Variants in DOP1B observed in about 807,000 individuals in gnomAD.
DOP1B encodes DOP1 leucine zipper like protein B.
A neutral mutation model predicts 233.5 loss-of-function variants in DOP1B; 174 were observed. The ratio of observed to expected loss-of-function variants is 0.75; its 90% CI spans 0.66 to 0.85. DOP1B has a LOEUF of 0.85. Ranked by LOEUF, DOP1B falls within the 40% of genes least tolerant of loss-of-function variation. The probability of loss-of-function intolerance (pLI) is 0.00; values close to 1 mark genes in which losing one functional copy is unlikely to be tolerated. For missense variants in DOP1B, 2,652 were observed against 2,846.6 expected (o/e 0.93, Z 1.56); for synonymous variants, 1,190 against 1,185.6 (o/e 1.00, Z -0.08).
chr21:36,257,817 A>C (rs2067122602), intron 23 of DOP1B, among the ~76,000 whole-genome samples: 1 of 146,224 alleles, frequency 6.8e-6, no homozygotes. Flanking sequence ...GTATGTAGAT[A>C]GATGTAGGTA....
At chr21:36,259,301 C>T (rs1215666983) in intron 23 of DOP1B, among the ~76,000 whole-genome samples, 6 of 141,312 alleles carry the variant, frequency 4.2e-5, no homozygotes, top group African/African-American at 1.6e-4. Flanking sequence ...GATGGAGTCT[C>T]GCTCTGTTGC....
intron 5 of DOP1B, among the ~76,000 whole-genome samples, chr21:36,209,715 C>T (rs1040186610): frequency 1.3e-5 from 2 of 152,190 alleles, no homozygotes; most frequent in African/African-American, 4.8e-5. Context: ...TCCCTGGTAA[C>T]GACATCCCTT....
intron 23 of DOP1B, among the ~76,000 whole-genome samples, chr21:36,260,091 G>A (rs1352007383): frequency 6.6e-6 from 1 of 151,076 alleles, no homozygotes; most frequent in African/African-American, 2.4e-5. Context: ...GGGAAGCGGA[G>A]GTTGCAGTGA....
At position 36,230,627 on chromosome 21, in the gene DOP1B, G is replaced by T; in HGVS notation, c.1843G>T (p.Asp615Tyr). Reference sequence around the variant, plus strand: ...TCCTCGAGTTTCTCTGGAAAGGGACGACGTTTGGAAGAAGGGCGGGAGCAT... The same window carrying T: ...TCCTCGAGTTTCTCTGGAAAGGGACTACGTTTGGAAGAAGGGCGGGAGCAT... Reference protein sequence around the residue: ...RVPRVSLERDDVWKKGGSMQR... With the variant: ...RVPRVSLERDYVWKKGGSMQR... Residue 615 changes from aspartate (D) to tyrosine (Y), a missense_variant, in exon 14 of 37, where the codon GAC becomes TAC. Physicochemically the swap from Asp to Tyr is radical, Grantham distance 160 (BLOSUM62 -3). Coordinates refer to ENST00000691173, the MANE Select transcript of DOP1B (RefSeq NM_001320714.2). The T allele has an allele frequency of 6.2e-7, 1 of 1,614,186 alleles. No individual in the cohort carries two copies. The highest frequency in any genetic ancestry group is 1.1e-5 in the South Asian group (1 of 91,082).
In DOP1B at chr21:36,221,268, G is replaced by A. The variant is rs142859683; in HGVS notation, c.1250+1776G>A. ...AGCACTTTGGGAGGCCAAGGCAGGC[G>A]GATCACTTGAGGTCAGCAGTTCAAG... On this transcript the variant is annotated intron_variant, in intron 10 of 36. Coordinates refer to ENST00000691173, the MANE Select transcript of DOP1B (RefSeq NM_001320714.2). Among the ~76,000 whole-genome samples the A allele has an allele frequency of 3.3e-3, 495 of 152,120 alleles. 4 individuals are homozygous for A. Among genetic ancestry groups the A allele is most frequent in the East Asian group, 0.022 (109 of 5,042 alleles).
intron 4 of DOP1B, among the ~76,000 whole-genome samples, chr21:36,201,345 CTT>C (rs1172730528): frequency 1.1e-4 from 9 of 83,280 alleles, no homozygotes; most frequent in Non-Finnish European, 1.1e-4. Context: ...CTATTGGATT[CTT>C]TTTTTTTTTT....
chr21:36,290,527 G>C lies in DOP1B; in HGVS notation c.6515+1321G>C, dbSNP rs560129114. On this transcript the variant is annotated intron_variant, in intron 35 of 36. Coordinates refer to ENST00000691173, the MANE Select transcript of DOP1B (RefSeq NM_001320714.2). The stretch of plus-strand genomic sequence containing the variant: ...AAAATACAAAAATTAGGCCAGGCGC[G>C]ATGGCTCACACCTGTAATCCCAGCA... Among the ~76,000 whole-genome samples, 207 of 151,374 alleles carry C rather than the reference G, an allele frequency of 1.4e-3. 1 individual carries two copies. Among genetic ancestry groups the C allele is most frequent in the African/African-American group, 5.0e-3 (204 of 41,192 alleles).
intron 28 of DOP1B, 44 bp from the exon 29 acceptor site, chr21:36,277,931 C>G (rs749125076): frequency 6.5e-7 from 1 of 1,529,506 alleles, no homozygotes; most frequent in African/African-American, 1.4e-5. Context: ...TGTGAGCCGT[C>G]GCACCTGGCC....
chr21:36,277,844 G>A (rs886529078), intron 28 of DOP1B, 131 bp from the exon 29 acceptor site: 22 of 682,522 alleles, frequency 3.2e-5, no homozygotes, highest in Non-Finnish European at 7.7e-6. Context: ...GTTTCACCAT[G>A]TTGGCCAGAC....
chr21:36,212,017 T>C lies in DOP1B; in HGVS notation c.824T>C (p.Val275Ala), dbSNP rs1473879273. The C allele has an allele frequency of 6.2e-7, 1 of 1,613,944 alleles. No homozygotes were observed. Among genetic ancestry groups the C allele is most frequent in the East Asian group, 2.2e-5 (1 of 44,878 alleles). ...ATCCCCCTCCTCAGATCTGACATCGTGCGCATTCTCTCAGCCGCCACCCAG... is the reference window on the plus strand; with the variant it reads ...ATCCCCCTCCTCAGATCTGACATCGCGCGCATTCTCTCAGCCGCCACCCAG... Reference protein sequence around the residue: ...RAIPLLRSDIVRILSAATQTL... With the variant: ...RAIPLLRSDIARILSAATQTL... The change falls in exon 7 of 37, where the codon GTG (valine) becomes GCG (alanine). Residue 275 changes from valine to alanine, a missense_variant. Physicochemically the swap from Val to Ala is moderately conservative, Grantham distance 64. Transcript: ENST00000691173.
chr21:36,181,029 G>A lies in DOP1B; in HGVS notation c.138+16158G>A, dbSNP rs562036169. ...TTTTCCTCAGGTAGACAGGTATACCGTCAACCAATACTGATTTGTATTTTT... is the reference window on the plus strand; with the variant it reads ...TTTTCCTCAGGTAGACAGGTATACCATCAACCAATACTGATTTGTATTTTT... On this transcript the variant is annotated intron_variant, in intron 2 of 36. Coordinates refer to ENST00000691173, the MANE Select transcript of DOP1B (RefSeq NM_001320714.2). Among the ~76,000 whole-genome samples the A allele has an allele frequency of 6.2e-4, 95 of 152,226 alleles. 2 individuals carry two copies. The South Asian group carries it at 0.017, about 27-fold the overall frequency.
In DOP1B at chr21:36,245,757, C is replaced by T. The variant is rs745784845; in HGVS notation, c.3777C>T (p.Ile1259=). 3 of 1,613,980 alleles carry T rather than the reference C, an allele frequency of 1.9e-6. No individual in the cohort carries two copies. Among genetic ancestry groups the T allele is most frequent in the Non-Finnish European group, 2.5e-6 (3 of 1,179,990 alleles). ...TCAAAACCAACCCTAAGGAATTCATCGAGGCTGTGTCCAGGACTAGCATGG... is the reference window on the plus strand; with the variant it reads ...TCAAAACCAACCCTAAGGAATTCATTGAGGCTGTGTCCAGGACTAGCATGG... ...AVLKTNPKEF[I]EAVSRTSMDT... is the part of the protein sequence containing the mutation. The change falls in exon 19 of 37, where the codon ATC becomes ATT. Residue 1259 remains isoleucine, a synonymous_variant. Transcript: ENST00000691173. The surrounding 1 kb of genome is among the most constrained non-coding windows in gnomAD (Gnocchi z 5.5).
chr21:36,203,842 G>A (rs2123478741), intron 4 of DOP1B, among the ~76,000 whole-genome samples: 1 of 151,632 alleles, frequency 6.6e-6, no homozygotes, highest in South Asian at 2.1e-4. Context: ...ACCCTTTGGG[G>A]TCTGCAGATA....
At chr21:36,276,177 A>G (rs1295506813) in intron 27 of DOP1B, among the ~76,000 whole-genome samples, 1 of 152,026 alleles carries the variant, frequency 6.6e-6, no homozygotes, top group African/African-American at 2.4e-5. Flanking sequence ...GGAAATGGAG[A>G]GGATGTTAGT....
intron 27 of DOP1B, among the ~76,000 whole-genome samples, chr21:36,273,040 T>C (rs920538268): frequency 1.3e-5 from 2 of 149,420 alleles, no homozygotes; most frequent in South Asian, 2.1e-4. Flanking sequence ...AGGCAGAGGT[T>C]GCAGTGAGTC....
chr21:36,254,146 AC>A (rs1569053835), intron 23 of DOP1B, among the ~76,000 whole-genome samples: 2 of 151,720 alleles, frequency 1.3e-5, no homozygotes, highest in Non-Finnish European at 2.9e-5. Context: ...CATTCCTTGT[AC>A]CCTGCTGCTG....
At chr21:36,288,635 A>C (rs2067516610) in intron 33 of DOP1B, 121 bp from the exon 34 acceptor site, 2 of 753,736 alleles carry the variant, frequency 2.7e-6, no homozygotes, top group Admixed American at 5.1e-5. Context: ...TGGGTGACAG[A>C]GTAAGACCCC....
chr21:36,177,297 T>G (rs1240622066), intron 2 of DOP1B, among the ~76,000 whole-genome samples: 4 of 152,354 alleles, frequency 2.6e-5, no homozygotes, highest in African/African-American at 9.6e-5. Flanking sequence ...TGAGGGCCAC[T>G]CACACTGTAA....
At chr21:36,162,981 T>C (rs1323401504) in intron 1 of DOP1B, among the ~76,000 whole-genome samples, 1 of 151,900 alleles carries the variant, frequency 6.6e-6, no homozygotes, top group East Asian at 1.9e-4. Context: ...CTTAAAGAAG[T>C]GGTCTGCCGC....
Sources: allele counts gnomAD v4.1 joint callset (sites outside exome capture counted in the v4.1 genomes callset), GRCh38; gene constraint gnomAD v4.1.1; non-coding constraint Gnocchi (gnomAD v3.1); transcripts MANE v1.5; gene names NCBI Gene and HGNC (gene_info 2026-07-23, HGNC 2026-07-21).